CLSTN2: variants seen among roughly 807,000 people sequenced by gnomAD.
CLSTN2 encodes the protein calsyntenin-2.
In CLSTN2, 48 loss-of-function variants were observed where a neutral mutation model predicts 101.2. The observed-to-expected ratio is 0.47, with a 90% CI of 0.38 to 0.60. CLSTN2 has a LOEUF of 0.60. CLSTN2 is among the 20% of genes least tolerant of loss of function. The pLI, the probability that CLSTN2 is intolerant of heterozygous loss-of-function variation, is 0.00. For synonymous variants in CLSTN2, 481 were observed against 463.6 expected (o/e 1.04, Z -0.48); for missense variants, 1,160 against 1,238.2 (o/e 0.94, Z 0.95).
chr3:140,113,797 T>G (rs6767176), intron 1 of CLSTN2, among the ~76,000 whole-genome samples: 8,832 of 152,270 alleles, frequency 0.058, 786 homozygotes, highest in African/African-American at 0.19. Context: ...CGCACGACTA[T>G]CAGGTTGAGC....
At chr3:140,064,341 A>G (rs1248424732) in intron 1 of CLSTN2, among the ~76,000 whole-genome samples, 1 of 152,212 alleles carries the variant, frequency 6.6e-6, no homozygotes, top group Non-Finnish European at 1.5e-5. Context: ...CTAAAGTTTT[A>G]GGCTGGCCAC....
intron 1 of CLSTN2, among the ~76,000 whole-genome samples, chr3:140,138,102 T>A (rs540035699): frequency 6.6e-6 from 1 of 152,300 alleles, no homozygotes; most frequent in East Asian, 1.9e-4. Context: ...TACCCTTGCT[T>A]AAAGGTAAAT....
At chr3:140,351,087 C>T (rs77517608) in intron 2 of CLSTN2, among the ~76,000 whole-genome samples, 4 of 152,104 alleles carry the variant, frequency 2.6e-5, no homozygotes, top group South Asian at 2.1e-4. Flanking sequence ...GATGGAGAGA[C>T]GCCAACAGGG....
rs531915149 is a variant in CLSTN2 at position 140,015,957 on chromosome 3, C to T, written c.109+80474C>T. ...GGCCAGTATCTGCCCTAGGCTAGGC[C>T]GTTCTGGGACACAAAGCTGAGAAAG... is the stretch of plus-strand genomic sequence containing the variant. On this transcript the variant is annotated intron_variant, in intron 1 of 16. Transcript: ENST00000458420. Among the ~76,000 whole-genome samples the T allele has an allele frequency of 5.3e-5, 8 of 152,336 alleles. No homozygotes were observed. In the South Asian group the frequency reaches 1.7e-3, roughly 32 times the overall value.
intron 8 of CLSTN2, among the ~76,000 whole-genome samples, chr3:140,516,585 T>C (rs1166641353): frequency 6.6e-6 from 1 of 151,988 alleles, no homozygotes; most frequent in East Asian, 1.9e-4. Flanking sequence ...AAAGACTGTA[T>C]CTTTCCTTCA....
At chr3:140,044,459 A>G (rs1193512523) in intron 1 of CLSTN2, among the ~76,000 whole-genome samples, 2 of 152,180 alleles carry the variant, frequency 1.3e-5, no homozygotes, top group Non-Finnish European at 2.9e-5. Context: ...TAGATATACA[A>G]TCATGTCATC....
chr3:140,251,889 C>CA (rs762310216), intron 2 of CLSTN2, among the ~76,000 whole-genome samples: 1 of 152,150 alleles, frequency 6.6e-6, no homozygotes, highest in Admixed American at 6.5e-5. Flanking sequence ...GAGGAGGTTT[C>CA]AAAAAACAGC....
At chr3:140,349,097 T>G (rs1295891960) in intron 2 of CLSTN2, among the ~76,000 whole-genome samples, 1 of 152,204 alleles carries the variant, frequency 6.6e-6, no homozygotes, top group Admixed American at 6.5e-5. Flanking sequence ...GAGCGAGTTC[T>G]TATGAGGTGG....
intron 2 of CLSTN2, among the ~76,000 whole-genome samples, chr3:140,242,588 G>A (rs1159861565): frequency 1.3e-5 from 2 of 152,074 alleles, no homozygotes; most frequent in African/African-American, 2.4e-5. Flanking sequence ...TTTTCCACTT[G>A]GTTGGGAACT....
chr3:140,114,403 T>A (rs2009206342), intron 1 of CLSTN2, among the ~76,000 whole-genome samples: 1 of 152,170 alleles, frequency 6.6e-6, no homozygotes, highest in African/African-American at 2.4e-5. Flanking sequence ...TCACCTGGCA[T>A]CCTGTCCTGT....
chr3:140,564,727 C>A (rs1935996138), intron 16 of CLSTN2, among the ~76,000 whole-genome samples: 1 of 152,088 alleles, frequency 6.6e-6, no homozygotes, highest in Non-Finnish European at 1.5e-5. Context: ...AGGTGGAAAC[C>A]AACTAAGAAA....
At chr3:140,311,426 C>T (rs1356122916) in intron 2 of CLSTN2, among the ~76,000 whole-genome samples, 4 of 147,522 alleles carry the variant, frequency 2.7e-5, no homozygotes, top group Non-Finnish European at 5.9e-5. Context: ...CTGCCTCAGC[C>T]TCCCTAGTAG....
chr3:140,208,513 G>C (rs2010812534), intron 2 of CLSTN2, among the ~76,000 whole-genome samples: 1 of 152,146 alleles, frequency 6.6e-6, no homozygotes, highest in Admixed American at 6.5e-5. Flanking sequence ...TACAAATCCA[G>C]ATGATGCTTA....
intron 12 of CLSTN2, among the ~76,000 whole-genome samples, chr3:140,560,552 G>A (rs904861637): frequency 6.9e-6 from 1 of 145,386 alleles, no homozygotes; most frequent in Non-Finnish European, 1.5e-5. Flanking sequence ...TTAGCCCTTG[G>A]TGGTGATTTC....
At chr3:140,143,162 A>G (rs1278562981) in intron 1 of CLSTN2, among the ~76,000 whole-genome samples, 2 of 152,236 alleles carry the variant, frequency 1.3e-5, no homozygotes, top group African/African-American at 2.4e-5. Flanking sequence ...TATAATGATT[A>G]TAATCATAAT....
chr3:139,970,969 G>C (rs1935688841), intron 1 of CLSTN2, among the ~76,000 whole-genome samples: 1 of 152,152 alleles, frequency 6.6e-6, no homozygotes, highest in African/African-American at 2.4e-5. Context: ...GTAAAAACTG[G>C]GGTAGGCAAC....
At chr3:140,330,487 G>T (rs889062304) in intron 2 of CLSTN2, among the ~76,000 whole-genome samples, 8 of 152,186 alleles carry the variant, frequency 5.3e-5, no homozygotes, top group African/African-American at 1.9e-4. Context: ...CTAAACCCCA[G>T]TTTGCCCATA....
At chr3:140,481,604 T>C (rs1405129971) in intron 8 of CLSTN2, among the ~76,000 whole-genome samples, 2 of 152,258 alleles carry the variant, frequency 1.3e-5, no homozygotes, top group Non-Finnish European at 2.9e-5. Flanking sequence ...TCCATTTCTT[T>C]GTATCCTCTT....
At chr3:140,314,802 C>A (rs1336545537) in intron 2 of CLSTN2, among the ~76,000 whole-genome samples, 1 of 152,060 alleles carries the variant, frequency 6.6e-6, no homozygotes, top group Non-Finnish European at 1.5e-5. Context: ...ACATCAGGCC[C>A]ACTCATTGGT....
Sources: allele counts gnomAD v4.1 joint callset (sites outside exome capture counted in the v4.1 genomes callset), GRCh38; gene constraint gnomAD v4.1.1; transcripts MANE v1.5; gene names NCBI Gene and HGNC (gene_info 2026-07-23, HGNC 2026-07-21).